Variants in HDLBP observed in about 807,000 individuals in gnomAD.
The protein encoded by HDLBP is vigilin.
A neutral mutation model predicts 137.3 loss-of-function variants in HDLBP; 30 were observed. The observed-to-expected ratio is 0.22, with a 90% CI of 0.16 to 0.30. HDLBP has a LOEUF of 0.30. HDLBP is among the 10% of genes least tolerant of loss of function. HDLBP has a pLI of 1.00. For synonymous variants in HDLBP, 606 were observed against 596.0 expected, an observed-to-expected ratio of 1.02 and a Z score of -0.24; for missense variants, 1,119 against 1,667.3, an observed-to-expected ratio of 0.67 and a Z score of 5.73.
rs533394193 is a variant in HDLBP, at chr2:241,267,715, G to A, written c.-38+762C>T. 32 of 1,534,734 alleles carry A rather than the reference G, an allele frequency of 2.1e-5. No individual in the cohort carries two copies. The highest frequency in any genetic ancestry group is 2.7e-5 in the Non-Finnish European group (31 of 1,146,394). ...AGGTGGTTATAAGTGGTAGCTGCGT[G>A]ACAGGAAAAAGCAGCCTCAGTGCTT... On this transcript the variant is annotated intron_variant, in intron 2 of 27. Coordinates refer to ENST00000310931, the MANE Select transcript of HDLBP (RefSeq NM_005336.6).
rs2070096305 is a variant in HDLBP, at chr2:241,233,960, A to C, written c.3148T>G (p.Leu1050Val). The change falls in exon 24 of 28, where the codon TTA becomes GTA. Residue 1050 changes from leucine to valine, a missense_variant. Transcript: ENST00000310931. The surrounding 1 kb of genome is among the most constrained non-coding windows in gnomAD (Gnocchi z 4.3). ...ELQAEQEDRA[L>V]RSFKLSVTVD... Reference sequence around the variant, plus strand: ...GTGACACTCAGCTTAAAACTCCTTAAAGCCTACAAATGAAAGGAGCAAGAA... The same window carrying C: ...GTGACACTCAGCTTAAAACTCCTTACAGCCTACAAATGAAAGGAGCAAGAA... 6.2e-7 allele frequency: 1 copy of C among 1,614,128 alleles called. No homozygotes were observed. Among genetic ancestry groups the C allele is most frequent in the Non-Finnish European group, 8.5e-7 (1 of 1,180,000 alleles).
At chr2:241,257,243 T>C (rs141590509) in intron 5 of HDLBP, among the ~76,000 whole-genome samples, 2,439 of 151,630 alleles carry the variant, frequency 0.016, 130 homozygotes, top group Admixed American at 0.089. Flanking sequence ...GATGCGTTTC[T>C]TTTTTTTTGA....
chr2:241,245,499 C>T (rs1350202839), intron 16 of HDLBP, among the ~76,000 whole-genome samples: 1 of 152,130 alleles, frequency 6.6e-6, no homozygotes, highest in African/African-American at 2.4e-5. Context: ...AAGAAACTCA[C>T]TTTAGTATCA....
At chr2:241,271,063 TACA>T (rs1179660281) in intron 1 of HDLBP, 1 of 985,302 alleles carries the variant, frequency 1.0e-6, no homozygotes, top group East Asian at 1.1e-4. Context: ...TGACAAAATC[TACA>T]ACTTCTTTCC....
In HDLBP at chr2:241,296,972, T is replaced by C. The variant is rs1001544434; in HGVS notation, c.-103+18598A>G. On this transcript the variant is annotated intron_variant, in intron 1 of 27. Transcript: ENST00000310931. ...TCAGCACGAAGGCAGTCATACTAAG[T>C]GGGACAAGGACACCACACAGTAAGG... Among the ~76,000 whole-genome samples the C allele has an allele frequency of 4.6e-5, 7 of 152,332 alleles. No individual in the cohort carries two copies. In the East Asian group the frequency reaches 5.8e-4, roughly 13 times the overall value.
chr2:241,271,072 T>G, intron 1 of HDLBP: 1 of 985,412 alleles, frequency 1.0e-6, no homozygotes, highest in Non-Finnish European at 1.2e-6. Flanking sequence ...CTACAACTTC[T>G]TTCCCCTTTC....
intron 17 of HDLBP, among the ~76,000 whole-genome samples, chr2:241,241,627 A>T (rs2149408707): frequency 6.7e-6 from 1 of 150,264 alleles, no homozygotes; most frequent in Admixed American, 6.7e-5. Context: ...GACTGGCGCT[A>T]ATATACATGA....
rs374561421 is a variant in HDLBP, at chr2:241,242,694, G to A, written c.1951-16C>T. 694 of 1,605,602 alleles carry A rather than the reference G, an allele frequency of 4.3e-4. No homozygotes were observed. Among genetic ancestry groups the A allele is most frequent in the Non-Finnish European group, 5.6e-4 (657 of 1,174,070 alleles). On this transcript the variant is annotated splice_polypyrimidine_tract_variant and intron_variant, in intron 16 of 27. Transcript: ENST00000310931. ...CTATGTTGGCCTGAAACCAAACACA[G>A]GGCAGGAGGAGGAAGTCACATTTTT...
rs1368094757 is a variant in HDLBP at position 241,298,080 on chromosome 2, AAAG to A, written c.-103+17487_-103+17489del. On this transcript the variant is annotated intron_variant, in intron 1 of 27. Coordinates refer to ENST00000310931, the MANE Select transcript of HDLBP (RefSeq NM_005336.6). The stretch of plus-strand genomic sequence containing the variant: ...AAAAAAAAAAAAAAAAAAAAAAAAA[AAAG>A]GGCCAGGCATGGTGGCTCATGCCTG... 3.2e-3 allele frequency among the ~76,000 whole-genome samples: 204 copies of A among 63,594 alleles called. 41 individuals carry two copies. The highest frequency in any genetic ancestry group is 5.1e-3 in the African/African-American group (117 of 22,976). 41.7% of individuals were successfully genotyped at this position (63,594 alleles called of 152,430 possible).
intron 1 of HDLBP, among the ~76,000 whole-genome samples, chr2:241,314,211 C>G (rs2075892681): frequency 6.6e-6 from 1 of 152,166 alleles, no homozygotes; most frequent in African/African-American, 2.4e-5. Flanking sequence ...ATCATGTGTA[C>G]TTAATGAATT....
In HDLBP at chr2:241,240,459, C is replaced by T. The variant is rs746233733; in HGVS notation, c.2170-337G>A. On this transcript the variant is annotated intron_variant, in intron 17 of 27. Transcript: ENST00000310931. The surrounding 1 kb of genome is among the most constrained non-coding windows in gnomAD (Gnocchi z 5.5). Reference sequence around the variant, plus strand: ...GGGGAGGTGGGAGCAACGCGCCGGACGATATGTTGGCGGAGTGCACGTCCT... The same window carrying T: ...GGGGAGGTGGGAGCAACGCGCCGGATGATATGTTGGCGGAGTGCACGTCCT... Among the ~76,000 whole-genome samples the T allele has an allele frequency of 1.5e-4, 23 of 151,708 alleles. No individual in the cohort carries two copies. The highest frequency in any genetic ancestry group is 8.5e-4 in the Admixed American group (13 of 15,210).
intron 1 of HDLBP, among the ~76,000 whole-genome samples, chr2:241,280,868 G>T (rs2074569369): frequency 6.6e-6 from 1 of 152,168 alleles, no homozygotes. Flanking sequence ...GTTTGGGAAT[G>T]CTAACATTTA....
chr2:241,242,740 A>C, intron 16 of HDLBP, 62 bp from the exon 17 acceptor site: 1 of 1,347,452 alleles, frequency 7.4e-7, no homozygotes, highest in Non-Finnish European at 1.0e-6. Context: ...GGGCAGAGGA[A>C]AAGATAAACT....
At chr2:241,283,982 C>T (rs546398968) in intron 1 of HDLBP, among the ~76,000 whole-genome samples, 117 of 151,592 alleles carry the variant, frequency 7.7e-4, no homozygotes, top group Non-Finnish European at 1.4e-3. Context: ...CTGTTTAAAA[C>T]GATTTACTGA....
chr2:241,304,954 C>A (rs1328946284), intron 1 of HDLBP, among the ~76,000 whole-genome samples: 1 of 152,220 alleles, frequency 6.6e-6, no homozygotes, highest in Non-Finnish European at 1.5e-5. Context: ...GATATTAATG[C>A]CTTTTGTGTT....
intron 1 of HDLBP, among the ~76,000 whole-genome samples, chr2:241,307,208 G>A (rs2075611781): frequency 6.6e-6 from 1 of 152,194 alleles, no homozygotes; most frequent in South Asian, 2.1e-4. Context: ...GTCTCACAAG[G>A]TCTACCTCAA....
intron 24 of HDLBP, among the ~76,000 whole-genome samples, chr2:241,232,965 A>T (rs1346416962): frequency 6.6e-6 from 1 of 151,286 alleles, no homozygotes; most frequent in Non-Finnish European, 1.5e-5. Flanking sequence ...TCCAAAAGGG[A>T]ACAAGAAGCT....
At position 241,240,006 on chromosome 2, in the gene HDLBP, G is replaced by C; in HGVS notation, c.2286C>G (p.Ile762Met). 1 of 1,614,242 alleles carries C rather than the reference G, an allele frequency of 6.2e-7. No individual in the cohort carries two copies. The highest frequency in any genetic ancestry group is 1.1e-5 in the South Asian group (1 of 91,088). The change falls in exon 18 of 28, where the codon ATC becomes ATG. Residue 762 changes from isoleucine (I) to methionine (M), a missense_variant. Ile to Met is a conservative substitution (Grantham distance 10, BLOSUM62 1). Transcript: ENST00000310931. The surrounding 1 kb of genome is among the most constrained non-coding windows in gnomAD (Gnocchi z 5.5). ...GGTCCTTGTCCTCAGCCGCAGGGAAGATGACACGTGCTCCAGTGCTGTCGC... is the reference window on the plus strand; with the variant it reads ...GGTCCTTGTCCTCAGCCGCAGGGAACATGACACGTGCTCCAGTGCTGTCGC... ...KVRDSTGARV[I>M]FPAAEDKDQD...
chr2:241,273,056 G>A, intron 1 of HDLBP: 1 of 985,492 alleles, frequency 1.0e-6, no homozygotes, highest in South Asian at 4.7e-5. Flanking sequence ...CAGAGGGAGC[G>A]CGCCCCGCAA....
Sources: allele counts gnomAD v4.1 joint callset (sites outside exome capture counted in the v4.1 genomes callset), GRCh38; gene constraint gnomAD v4.1.1; non-coding constraint Gnocchi (gnomAD v3.1); transcripts MANE v1.5; gene names NCBI Gene and HGNC (gene_info 2026-07-23, HGNC 2026-07-21).